Variants in FOXP2 observed in about 807,000 individuals in gnomAD.
FOXP2 encodes the protein forkhead box protein P2.
In FOXP2, 12 loss-of-function variants were observed where a neutral mutation model predicts 115.8. That is an observed-to-expected ratio of 0.10 (90% CI 0.07 to 0.17). The LOEUF (loss-of-function observed/expected upper bound fraction) is 0.17, where lower values mean the gene tolerates loss of function less well. Among genes scored for constraint, FOXP2 ranks in the 10% least tolerant of loss-of-function variants. The pLI is 1.00. For synonymous variants in FOXP2, 328 were observed against 297.7 expected (o/e 1.10, Z -1.05); for missense variants, 629 against 843.5 (o/e 0.75, Z 3.15).
chr7:114,584,377 A>G (rs1802022773), intron 3 of FOXP2, among the ~76,000 whole-genome samples: 1 of 152,216 alleles, frequency 6.6e-6, no homozygotes, highest in Non-Finnish European at 1.5e-5. Context: ...GCAAACAAGC[A>G]CACAAAAAGG....
chr7:114,609,353 G>T (rs192774255), intron 3 of FOXP2, among the ~76,000 whole-genome samples: 289 of 152,120 alleles, frequency 1.9e-3, no homozygotes, highest in Non-Finnish European at 2.9e-3. Flanking sequence ...AATAATGATC[G>T]TTCCATGCTT....
intron 1 of FOXP2, among the ~76,000 whole-genome samples, chr7:114,252,217 C>T (rs902595661): frequency 4.6e-5 from 7 of 152,214 alleles, no homozygotes; most frequent in Non-Finnish European, 7.4e-5. Flanking sequence ...AGGATTTTTG[C>T]GTCGATATTT....
chr7:114,683,225 AT>A (rs1475174053), intron 16 of FOXP2, among the ~76,000 whole-genome samples: 1 of 152,182 alleles, frequency 6.6e-6, no homozygotes, highest in Non-Finnish European at 1.5e-5. Flanking sequence ...ATGGCACGTA[AT>A]TTATTCACTC....
intron 16 of FOXP2, among the ~76,000 whole-genome samples, chr7:114,683,505 A>T (rs1050453950): frequency 2.6e-5 from 4 of 152,208 alleles, no homozygotes; most frequent in African/African-American, 9.6e-5. Context: ...CAATAACGTT[A>T]CATTAGACCC....
At chr7:114,187,484 G>A (rs1405979309) in intron 1 of FOXP2, among the ~76,000 whole-genome samples, 6 of 152,096 alleles carry the variant, frequency 3.9e-5, no homozygotes, top group South Asian at 2.1e-4. Flanking sequence ...TTTACTGTCC[G>A]TATTTCTACC....
upstream of FOXP2, among the ~76,000 whole-genome samples, chr7:114,412,632 A>ACC (rs559389765): frequency 1.2e-3 from 187 of 152,220 alleles, no homozygotes; most frequent in Admixed American, 3.5e-3. Context: ...TGTCATTGTA[A>ACC]CCAGCCAAAC....
intron 1 of FOXP2, among the ~76,000 whole-genome samples, chr7:114,113,369 G>A (rs1389435352): frequency 2.6e-5 from 4 of 151,994 alleles, no homozygotes; most frequent in Admixed American, 6.6e-5. Context: ...AATTATACTT[G>A]GAATTTTTTA....
At chr7:114,385,370 C>G (rs770630239) in intron 2 of FOXP2, among the ~76,000 whole-genome samples, 2 of 152,176 alleles carry the variant, frequency 1.3e-5, no homozygotes, top group Non-Finnish European at 2.9e-5. Flanking sequence ...AAGTCACAGT[C>G]AGGACCCCAG....
At position 114,286,641 on chromosome 7, in the gene FOXP2, G is replaced by A. The variant is rs1321654238; in HGVS notation, c.-101-1378G>A. 3.9e-5 allele frequency among the ~76,000 whole-genome samples: 6 copies of A among 152,002 alleles called. No individual in the cohort carries two copies. The South Asian group carries it at 8.3e-4, about 21-fold the overall frequency. On this transcript the variant is annotated intron_variant, in intron 1 of 17. Coordinates refer to the FOXP2 transcript ENST00000634411. ...AAAATTTTATTGTTAAGAGAAATGT[G>A]GACAACAGAACCAATAGAGAAAGAA... is the stretch of plus-strand genomic sequence containing the variant.
intron 1 of FOXP2, among the ~76,000 whole-genome samples, chr7:114,205,405 C>T (rs559661942): frequency 4.6e-5 from 7 of 152,192 alleles, no homozygotes; most frequent in Admixed American, 2.0e-4. Flanking sequence ...ATCAGATGAC[C>T]GTGTGGAGTA....
chr7:114,459,072 C>T (rs1795446770), intron 2 of FOXP2, among the ~76,000 whole-genome samples: 2 of 152,144 alleles, frequency 1.3e-5, no homozygotes, highest in African/African-American at 4.8e-5. Context: ...TGTTGTCTCT[C>T]ATTATTCAGC....
In FOXP2 at chr7:114,689,976, T is replaced by C. The variant is rs746669588; in HGVS notation, c.*50T>C. ...TGAAGGGACATATCACTGACCTTCA[T>C]AACCACTCCACAACCATGAATATTT... is the stretch of plus-strand genomic sequence containing the variant. On this transcript the variant is annotated 3_prime_UTR_variant, in exon 17 of 17. Coordinates refer to ENST00000350908, the MANE Select transcript of FOXP2 (RefSeq NM_014491.4). 2.4e-5 allele frequency: 39 copies of C among 1,602,832 alleles called. No individual in the cohort carries two copies. Among genetic ancestry groups the C allele is most frequent in the Non-Finnish European group, 3.2e-5 (38 of 1,172,590 alleles).
At chr7:114,682,551 G>A (rs1808141799) in intron 16 of FOXP2, among the ~76,000 whole-genome samples, 1 of 152,038 alleles carries the variant, frequency 6.6e-6, no homozygotes, top group African/African-American at 2.4e-5. Flanking sequence ...TTATCCTATG[G>A]TAGTGTAACA....
chr7:114,416,067 G>C (rs1216702539), intron 1 of FOXP2, among the ~76,000 whole-genome samples: 1 of 151,944 alleles, frequency 6.6e-6, no homozygotes, highest in Non-Finnish European at 1.5e-5. Flanking sequence ...ACTCGTGTCA[G>C]TTAAAAAGGT....
At position 114,422,599 on chromosome 7, in the gene FOXP2, G is replaced by A. The variant is rs138927799; in HGVS notation, c.-10-3903G>A. Among the ~76,000 whole-genome samples the A allele has an allele frequency of 7.7e-3, 1,166 of 151,732 alleles. 5 individuals carry two copies. The highest frequency in any genetic ancestry group is 0.012 in the Non-Finnish European group (816 of 67,740). On this transcript the variant is annotated intron_variant, in intron 1 of 16. Transcript: ENST00000350908. ...ATGTGGAGTGGAAAAGAGATAGGGA[G>A]CATAAGAAACAGGGAAGGAGAAGAG... is the stretch of plus-strand genomic sequence containing the variant.
At chr7:114,552,059 C>T (rs1800235601) in intron 3 of FOXP2, among the ~76,000 whole-genome samples, 1 of 152,154 alleles carries the variant, frequency 6.6e-6, no homozygotes, top group African/African-American at 2.4e-5. Context: ...ATACTGTTAA[C>T]ACATATTTTA....
chr7:114,342,050 C>T (rs1402589323), intron 2 of FOXP2, among the ~76,000 whole-genome samples: 2 of 151,304 alleles, frequency 1.3e-5, no homozygotes, highest in Non-Finnish European at 3.0e-5. Flanking sequence ...TGTAATATTC[C>T]CTGCCAAAGG....
At chr7:114,191,827 G>A (rs984641388) in intron 1 of FOXP2, among the ~76,000 whole-genome samples, 11 of 151,950 alleles carry the variant, frequency 7.2e-5, no homozygotes, top group South Asian at 2.1e-4. Context: ...GTTTTTTTCC[G>A]CGGGTTTTGA....
chr7:114,149,198 G>C (rs1179030787), intron 1 of FOXP2, among the ~76,000 whole-genome samples: 1 of 151,978 alleles, frequency 6.6e-6, no homozygotes, highest in Non-Finnish European at 1.5e-5. Flanking sequence ...ATTGGAAAAA[G>C]TGTTCAATTT....
Sources: gnomAD v4.1 joint callset for allele counts (sites outside exome capture counted in the v4.1 genomes callset) on GRCh38, gnomAD v4.1.1 for gene constraint, MANE v1.5 for transcripts, NCBI Gene and HGNC (gene_info 2026-07-23, HGNC 2026-07-21) for gene names.